KCNK2: variants seen among roughly 807,000 people sequenced by gnomAD.
KCNK2 encodes potassium two pore domain channel subfamily K member 2.
KCNK2 carries 21 observed loss-of-function variants against 40.5 expected under a neutral mutation model. The observed-to-expected ratio is 0.52, with a 90% CI of 0.37 to 0.75. The LOEUF (loss-of-function observed/expected upper bound fraction) is 0.75, where lower values mean the gene tolerates loss of function less well. Among genes scored for constraint, KCNK2 ranks in the 30% least tolerant of loss-of-function variants. The pLI is 0.00. For synonymous variants in KCNK2, 191 were observed against 202.2 expected, an observed-to-expected ratio of 0.94 and a Z score of 0.47; for missense variants, 399 against 531.6, an observed-to-expected ratio of 0.75 and a Z score of 2.45.
chr1:215,094,731 G>T (rs1034236525), intron 2 of KCNK2, among the ~76,000 whole-genome samples: 15 of 151,774 alleles, frequency 9.9e-5, no homozygotes, highest in Non-Finnish European at 2.1e-4. Context: ...TTTTATCTTT[G>T]AAGAATATAT....
At chr1:215,158,418 C>T (rs1418796885) in intron 3 of KCNK2, among the ~76,000 whole-genome samples, 2 of 152,108 alleles carry the variant, frequency 1.3e-5, no homozygotes, top group Non-Finnish European at 2.9e-5. Context: ...AAATCTGAGT[C>T]AGTGATTGAT....
At chr1:215,021,599 G>A (rs1656794620) in intron 1 of KCNK2, among the ~76,000 whole-genome samples, 1 of 142,564 alleles carries the variant, frequency 7.0e-6, no homozygotes, top group Non-Finnish European at 1.5e-5. Flanking sequence ...AGGCTGGAGT[G>A]CAGTGGCGCG....
upstream of KCNK2, among the ~76,000 whole-genome samples, chr1:215,080,451 A>T (rs932777841): frequency 9.9e-5 from 15 of 152,230 alleles, no homozygotes; most frequent in East Asian, 1.9e-4. Context: ...TAGTGAATTC[A>T]TCTCATTTCT....
intron 2 of KCNK2, among the ~76,000 whole-genome samples, chr1:215,101,378 A>G (rs112074451): frequency 8.6e-5 from 13 of 152,042 alleles, no homozygotes; most frequent in African/African-American, 3.1e-4. Context: ...TGAGGTTTGG[A>G]TGAGGGAAAG....
chr1:215,107,427 C>A (rs1365509085), intron 2 of KCNK2, among the ~76,000 whole-genome samples: 4 of 152,042 alleles, frequency 2.6e-5, no homozygotes, highest in Non-Finnish European at 2.9e-5. Context: ...AACTTCCATA[C>A]TATTTTCAAC....
chr1:215,229,647 C>T (rs558206699), intron 6 of KCNK2, among the ~76,000 whole-genome samples: 3 of 151,532 alleles, frequency 2.0e-5, no homozygotes, highest in Non-Finnish European at 4.4e-5. Context: ...CAGAGTGAAA[C>T]CCTGTCTCAA....
chr1:215,044,730 AC>A (rs572436240), intron 1 of KCNK2, among the ~76,000 whole-genome samples: 5 of 152,068 alleles, frequency 3.3e-5, no homozygotes, highest in Admixed American at 3.3e-4. Context: ...TAAAAGTTGG[AC>A]CATAATTAGG....
chr1:215,168,722 G>A (rs1663562303), intron 3 of KCNK2, among the ~76,000 whole-genome samples: 1 of 152,056 alleles, frequency 6.6e-6, no homozygotes, highest in Admixed American at 6.6e-5. Flanking sequence ...GGAAGGGGAG[G>A]GAGAGCATTA....
chr1:215,204,696 G>A (rs1024369002), intron 6 of KCNK2, among the ~76,000 whole-genome samples: 5 of 152,134 alleles, frequency 3.3e-5, no homozygotes, highest in Non-Finnish European at 7.4e-5. Context: ...TATGTTTGCT[G>A]AGAACAGAAG....
At chr1:215,103,272 G>A (rs983624927) in intron 2 of KCNK2, among the ~76,000 whole-genome samples, 6 of 151,818 alleles carry the variant, frequency 4.0e-5, no homozygotes, top group African/African-American at 1.5e-4. Context: ...AAATTTTTAT[G>A]AGCATAGATG....
Position 215,209,965 on chromosome 1 carries a change from TATATATTATATATATTATATATA to T in KCNK2, c.963+14880_963+14902del, listed in dbSNP as rs1245846293. Among the ~76,000 whole-genome samples the T allele has an allele frequency of 9.9e-4, 57 of 57,382 alleles. 1 individual carries two copies. Among genetic ancestry groups the T allele is most frequent in the Admixed American group, 2.3e-3 (8 of 3,540 alleles). The allele number at this position is 57,382 out of a possible 152,430, so 37.6% of individuals were successfully genotyped here. The stretch of plus-strand genomic sequence containing the variant: ...CTTCAAAATAGGAAAATATATTTTA[TATATATTATATATATTATATATA>T]ATATATAATATATATTATATATAAT... On this transcript the variant is annotated intron_variant, in intron 6 of 6. Transcript: ENST00000444842.
chr1:215,066,224 C>T (rs1288574129), intron 1 of KCNK2, among the ~76,000 whole-genome samples: 1 of 151,982 alleles, frequency 6.6e-6, no homozygotes, highest in Non-Finnish European at 1.5e-5. Context: ...TGTAACAAAC[C>T]TGCATGTTCT....
chr1:215,148,214 G>C (rs1662521035), intron 3 of KCNK2, among the ~76,000 whole-genome samples: 1 of 149,122 alleles, frequency 6.7e-6, no homozygotes, highest in Non-Finnish European at 1.5e-5. Flanking sequence ...TGAGCTACTG[G>C]GACTGCAGGT....
chr1:215,183,572 C>T (rs1412313004), intron 5 of KCNK2, among the ~76,000 whole-genome samples: 3 of 152,000 alleles, frequency 2.0e-5, no homozygotes, highest in African/African-American at 7.2e-5. Flanking sequence ...ATTATATTTC[C>T]CACTATTACT....
chr1:215,070,186 G>A (rs556438116), intron 1 of KCNK2, among the ~76,000 whole-genome samples: 35 of 151,902 alleles, frequency 2.3e-4, no homozygotes, highest in African/African-American at 7.5e-4. Context: ...CGAGGTGGGC[G>A]GATCACAAGG....
Position 215,026,812 on chromosome 1 carries a change from ATGTGTATGTGTG to A in KCNK2, c.34+20869_34+20880del, listed in dbSNP as rs141918570. ...TTGGAATTCTATTGAGAATGACATC[ATGTGTATGTGTG>A]TGTGTATGTGTAAACAAACATATAC... On this transcript the variant is annotated intron_variant, in intron 1 of 6. Transcript: ENST00000391895. Among the ~76,000 whole-genome samples, 1,947 of 152,134 alleles carry A rather than the reference ATGTGTATGTGTG, an allele frequency of 0.013. 58 individuals are homozygous for A. The East Asian group carries it at 0.13, about 10-fold the overall frequency.
chr1:215,135,480 TA>T (rs560624063), intron 3 of KCNK2, among the ~76,000 whole-genome samples: 351 of 152,174 alleles, frequency 2.3e-3, no homozygotes, highest in South Asian at 0.011. Context: ...AAGCCAATAT[TA>T]TTTTTTACAT....
chr1:215,013,592 T>C (rs1656483643), intron 1 of KCNK2, among the ~76,000 whole-genome samples: 1 of 152,194 alleles, frequency 6.6e-6, no homozygotes, highest in African/African-American at 2.4e-5. Flanking sequence ...TTCTCCTATT[T>C]GGCTATTCTT....
rs542148079 is a variant in KCNK2, at chr1:215,162,726, G to A, written c.476-6473G>A. ...TGTCAGGTTTGTCAAAGATCAGATG[G>A]TTGTAGATGTGTGGCATTATATCTG... is the stretch of plus-strand genomic sequence containing the variant. On this transcript the variant is annotated intron_variant, in intron 3 of 6. Transcript: ENST00000444842. Among the ~76,000 whole-genome samples, 459 of 152,220 alleles carry A rather than the reference G, an allele frequency of 3.0e-3. 2 individuals are homozygous for A. The highest frequency in any genetic ancestry group is 0.01 in the African/African-American group (434 of 41,546).
Sources: gnomAD v4.1 joint callset for allele counts (sites outside exome capture counted in the v4.1 genomes callset) on GRCh38, gnomAD v4.1.1 for gene constraint, MANE v1.5 for transcripts, NCBI Gene and HGNC (gene_info 2026-07-23, HGNC 2026-07-21) for gene names.